Variants in COLEC11 observed in about 807,000 individuals in gnomAD.
The protein encoded by COLEC11 is collectin subfamily member 11.
COLEC11 carries 20 observed loss-of-function variants against 27.3 expected under a neutral mutation model. The observed-to-expected ratio is 0.73, with a 90% CI of 0.51 to 1.06. The LOEUF (loss-of-function observed/expected upper bound fraction) is 1.06, where lower values mean the gene tolerates loss of function less well. Ranked by LOEUF, COLEC11 falls within the 50% of genes least tolerant of loss-of-function variation. The pLI is 0.00. For synonymous variants in COLEC11, 163 were observed against 154.7 expected (o/e 1.05, Z -0.40); for missense variants, 310 against 383.0 (o/e 0.81, Z 1.59).
intron 3 of COLEC11, among the ~76,000 whole-genome samples, chr2:3,619,087 A>G (rs1324475753): frequency 2.6e-5 from 4 of 152,160 alleles, no homozygotes; most frequent in African/African-American, 4.8e-5. Flanking sequence ...TTTTATTTAT[A>G]TAAGATTATG....
Position 3,643,890 on chromosome 2 carries a change from C to T in COLEC11, c.588C>T (p.Ala196=), listed in dbSNP as rs367740433. 125 of 1,613,724 alleles carry T rather than the reference C, an allele frequency of 7.7e-5. No homozygotes were observed. In the African/African-American group the frequency reaches 1.0e-3, roughly 13 times the overall value. Residue 196 remains alanine (A), a synonymous_variant, in exon 7 of 7, where the codon GCC becomes GCT. Transcript: ENST00000349077. The stretch of plus-strand genomic sequence containing the variant: ...TGATGGCCGCATACCTGGCGCAAGC[C>T]GGCCTGGCCCGTGTCTTCATCGGCA... ...NGLMAAYLAQ[A]GLARVFIGIN...
rs562458490 is a variant in COLEC11 at position 3,641,521 on chromosome 2, T to G, written c.328+1190T>G. 1.6e-4 allele frequency: 148 copies of G among 954,000 alleles called. 1 individual carries two copies. The East Asian group carries it at 6.3e-3, about 40-fold the overall frequency. The allele number at this position is 954,000 out of a possible 1,614,324, so 59.1% of individuals were successfully genotyped here. A position where few individuals can be genotyped will look rare whatever the true frequency, so the allele number is the denominator to read the frequency against. ...CCTAGCTTGGTCAGAGTTTGGAGGT[T>G]AAATGAGGAAAGGAATCCATCCACT... On this transcript the variant is annotated intron_variant, in intron 5 of 6. Coordinates refer to ENST00000349077, the MANE Select transcript of COLEC11 (RefSeq NM_024027.5).
chr2:3,637,433 T>C (rs1441926894), intron 3 of COLEC11, 100 bp from the exon 4 acceptor site: 2 of 837,876 alleles, frequency 2.4e-6, no homozygotes, highest in African/African-American at 3.3e-5. Context: ...GCCTGTGATG[T>C]AGGAAGGAGG....
intron 5 of COLEC11, among the ~76,000 whole-genome samples, 163 bp from the exon 6 acceptor site, chr2:3,643,281 C>G (rs1351724259): frequency 6.6e-6 from 1 of 152,254 alleles, no homozygotes. Context: ...CTTCCCTGCT[C>G]CCCCTGCCTT....
At chr2:3,633,986 C>A (rs1311310549) in intron 3 of COLEC11, among the ~76,000 whole-genome samples, 2 of 152,178 alleles carry the variant, frequency 1.3e-5, no homozygotes, top group African/African-American at 4.8e-5. Flanking sequence ...AGCAGAAGCA[C>A]GGGGCTCACC....
At chr2:3,618,248 C>T (rs1030560777) in intron 3 of COLEC11, among the ~76,000 whole-genome samples, 1 of 152,166 alleles carries the variant, frequency 6.6e-6, no homozygotes, top group African/African-American at 2.4e-5. Context: ...CTTTTGGGGT[C>T]ATATCCCAAA....
intron 4 of COLEC11, among the ~76,000 whole-genome samples, chr2:3,638,573 G>T (rs955717907): frequency 2.6e-5 from 4 of 152,170 alleles, no homozygotes; most frequent in Non-Finnish European, 5.9e-5. Flanking sequence ...CTGTGAGGGG[G>T]TTCTCATGGT....
chr2:3,643,215 C>T (rs977582693), intron 5 of COLEC11, among the ~76,000 whole-genome samples: 5 of 152,208 alleles, frequency 3.3e-5, no homozygotes, highest in African/African-American at 1.2e-4. Context: ...CTTCCCCCTA[C>T]AGCTGGAGAG....
At chr2:3,613,245 C>T in intron 2 of COLEC11, 66 bp from the exon 3 acceptor site, 2 of 1,526,402 alleles carry the variant, frequency 1.3e-6, no homozygotes, top group Non-Finnish European at 1.8e-6. Context: ...GTTCTTCCTC[C>T]ACAAATCACT....
chr2:3,596,684 G>A (rs994134454), intron 1 of COLEC11, among the ~76,000 whole-genome samples: 18 of 152,180 alleles, frequency 1.2e-4, no homozygotes, highest in East Asian at 3.9e-4. Flanking sequence ...AGGATTCCAC[G>A]TTTAACCCCC....
chr2:3,604,946 G>GAA, intron 2 of COLEC11: 3 of 367,776 alleles, frequency 8.2e-6, no homozygotes, highest in South Asian at 2.2e-5. Context: ...GTGGTTAGGG[G>GAA]AAAAAAAAAA....
In COLEC11 at chr2:3,602,485, G is replaced by C. The variant is rs1662302828; in HGVS notation, c.-26-1830G>C. ...CATAACTGATCAGCAAAACCTGTCA[G>C]CTTTGCTTCCAGACTGCATCCCATA... On this transcript the variant is annotated intron_variant, in intron 1 of 6. Coordinates refer to ENST00000349077, the MANE Select transcript of COLEC11 (RefSeq NM_024027.5). The surrounding 1 kb of genome is among the most constrained non-coding windows in gnomAD (Gnocchi z 6.2). 6.6e-6 allele frequency among the ~76,000 whole-genome samples: 1 copy of C among 152,078 alleles called. No homozygotes were observed. Among genetic ancestry groups the C allele is most frequent in the South Asian group, 2.1e-4 (1 of 4,820 alleles).
intron 1 of COLEC11, among the ~76,000 whole-genome samples, chr2:3,597,863 A>G (rs1382124557): frequency 6.6e-6 from 1 of 152,190 alleles, no homozygotes; most frequent in East Asian, 1.9e-4. Context: ...GTGGACCAGC[A>G]CGTCTGGCTA....
In COLEC11 at chr2:3,644,332, T is replaced by C. The variant is rs1410517322; in HGVS notation, c.*214T>C. 2 of 705,106 alleles carry C rather than the reference T, an allele frequency of 2.8e-6. No homozygotes were observed. The highest frequency in any genetic ancestry group is 5.1e-6 in the Non-Finnish European group (2 of 391,552). 43.7% of individuals were successfully genotyped at this position (705,106 alleles called of 1,614,324 possible). ...GTGCTGTCTCTGAAGAAGCAGAGTT[T>C]CATTACCTGTATTGTAGCCCCAATG... On this transcript the variant is annotated 3_prime_UTR_variant, in exon 7 of 7. Coordinates refer to ENST00000349077, the MANE Select transcript of COLEC11 (RefSeq NM_024027.5).
intron 3 of COLEC11, among the ~76,000 whole-genome samples, chr2:3,621,237 G>A (rs561429926): frequency 6.6e-6 from 1 of 152,168 alleles, no homozygotes; most frequent in African/African-American, 2.4e-5. Flanking sequence ...TAATGATTAT[G>A]TTTTCTTGAT....
chr2:3,637,651 T>A, intron 4 of COLEC11, 47 bp downstream of exon 4: 2 of 1,435,126 alleles, frequency 1.4e-6, no homozygotes, highest in Non-Finnish European at 2.0e-6. Flanking sequence ...GCCCCTAGGG[T>A]CAGCGTCTGG....
chr2:3,615,333 T>G (rs1039719953), intron 3 of COLEC11, among the ~76,000 whole-genome samples: 5 of 152,174 alleles, frequency 3.3e-5, no homozygotes, highest in Non-Finnish European at 5.9e-5. Flanking sequence ...TAGGGAGTGG[T>G]GATGACTCTT....
intron 3 of COLEC11, chr2:3,626,042 A>C: frequency 3.1e-6 from 5 of 1,614,178 alleles, no homozygotes. Context: ...ACAGCTTCTG[A>C]CATCTCCAAA....
At chr2:3,607,257 G>C (rs900641865) in intron 2 of COLEC11, among the ~76,000 whole-genome samples, 2 of 152,020 alleles carry the variant, frequency 1.3e-5, no homozygotes, top group Non-Finnish European at 2.9e-5. Context: ...TTTACATTTA[G>C]AGGGAATAAT....
Sources: allele counts gnomAD v4.1 joint callset (sites outside exome capture counted in the v4.1 genomes callset), GRCh38; gene constraint gnomAD v4.1.1; non-coding constraint Gnocchi (gnomAD v3.1); transcripts MANE v1.5; gene names NCBI Gene and HGNC (gene_info 2026-07-23, HGNC 2026-07-21).